Variants in C14orf39 observed in about 807,000 individuals in gnomAD.
C14orf39 encodes the protein protein SIX6OS1.
A neutral mutation model predicts 85.6 loss-of-function variants in C14orf39; 66 were observed. That is an observed-to-expected ratio of 0.77 (90% CI 0.63 to 0.95). The LOEUF (loss-of-function observed/expected upper bound fraction) is 0.95. Ranked by LOEUF, C14orf39 falls within the 40% of genes least tolerant of loss-of-function variation. The probability of loss-of-function intolerance (pLI) is 0.00; values close to 1 mark genes in which losing one functional copy is unlikely to be tolerated. For missense variants in C14orf39, 735 were observed against 663.9 expected, an observed-to-expected ratio of 1.11 and a Z score of -1.18; for synonymous variants, 242 against 214.0, an observed-to-expected ratio of 1.13 and a Z score of -1.14.
upstream of C14orf39, among the ~76,000 whole-genome samples, chr14:60,487,829 A>G (rs1038583246): frequency 4.6e-5 from 7 of 152,122 alleles, no homozygotes; most frequent in African/African-American, 1.4e-4. Context: ...GGTGTGACGT[A>G]TCCTATTGTG....
chr14:60,469,317 AAATT>A (rs1891953121), intron 8 of C14orf39, among the ~76,000 whole-genome samples: 1 of 147,886 alleles, frequency 6.8e-6, no homozygotes, highest in African/African-American at 2.4e-5. Context: ...AATTATATAC[AAATT>A]AATATAAAAT....
Position 60,455,126 on chromosome 14 carries a change from C to T in C14orf39, c.1378G>A (p.Val460Ile), listed in dbSNP as rs1371572540. ...TCCTTTTCTGTTTGAACTTCAGGTA[C>T]TGCATTTCTATTTCTGTTACTGAGA... ...PFEINRNRNA[V>I]PEVQTEKESP... Residue 460 changes from valine (V) to isoleucine (I), a missense_variant, in exon 16 of 18, where the codon GTA (valine) becomes ATA (isoleucine). Coordinates refer to ENST00000321731, the MANE Select transcript of C14orf39 (RefSeq NM_174978.3). The T allele has an allele frequency of 6.4e-7, 1 of 1,559,924 alleles. No homozygotes were observed.
At chr14:60,450,927 C>G (rs1325861195) in intron 16 of C14orf39, among the ~76,000 whole-genome samples, 1 of 152,190 alleles carries the variant, frequency 6.6e-6, no homozygotes, top group Non-Finnish European at 1.5e-5. Flanking sequence ...CTGCAAACAG[C>G]ACAGCGTTAT....
At chr14:60,494,320 C>G (rs948328490) in intron 2 of C14orf39, 1 of 163,598 alleles carries the variant, frequency 6.1e-6, no homozygotes, top group African/African-American at 2.4e-5. Flanking sequence ...GTGGCAAAAG[C>G]TTGCCCATAT....
intron 7 of C14orf39, among the ~76,000 whole-genome samples, chr14:60,470,881 T>C (rs1043267888): frequency 2.0e-5 from 3 of 151,936 alleles, no homozygotes; most frequent in East Asian, 1.9e-4. Context: ...GGAAGATCTC[T>C]CTGACAAACA....
At chr14:60,467,115 T>C in intron 9 of C14orf39, 71 bp from the exon 10 acceptor site, 1 of 731,174 alleles carries the variant, frequency 1.4e-6, no homozygotes, top group East Asian at 3.7e-5. Context: ...CTAGGAGGCA[T>C]ATTTAGATAC....
intron 1 of C14orf39, among the ~76,000 whole-genome samples, chr14:60,505,981 C>T (rs1367638684): frequency 6.6e-6 from 1 of 152,216 alleles, no homozygotes; most frequent in Non-Finnish European, 1.5e-5. Flanking sequence ...TCAGAATTCC[C>T]TGGGGGCACT....
intron 7 of C14orf39, among the ~76,000 whole-genome samples, chr14:60,470,048 A>G (rs1265975792): frequency 6.6e-6 from 1 of 151,380 alleles, no homozygotes; most frequent in Non-Finnish European, 1.5e-5. Flanking sequence ...TATTTGTTCA[A>G]AGACAATATT....
rs1485159638 is a variant in C14orf39, at chr14:60,483,697, C to T, written c.227G>A (p.Cys76Tyr). 1.3e-6 allele frequency: 2 copies of T among 1,584,262 alleles called. No homozygotes were observed. Among genetic ancestry groups the T allele is most frequent in the Non-Finnish European group, 1.7e-6 (2 of 1,167,682 alleles). ...GATTCTTTCAAATACTCACTTTCTA[C>T]AGTTGTCTTTAATCTCCTCACTATG... The part of the protein sequence containing the change: ...CKHSEEIKDN[C>Y]RNWKPTCDVF... Residue 76 changes from cysteine to tyrosine, a missense_variant, in exon 4 of 18, where the codon TGT becomes TAT. Physicochemically the swap from Cys to Tyr is radical, Grantham distance 194. Coordinates refer to ENST00000321731, the MANE Select transcript of C14orf39 (RefSeq NM_174978.3).
In C14orf39 at chr14:60,494,114, G is replaced by A. The variant is rs560864289; in HGVS notation, c.-9+5182C>T. 21 of 318,340 alleles carry A rather than the reference G, an allele frequency of 6.6e-5. 1 individual carries two copies. Among genetic ancestry groups the A allele is most frequent in the East Asian group, 2.7e-4 (3 of 11,234 alleles). 19.7% of individuals were successfully genotyped at this position (318,340 alleles called of 1,614,324 possible). The stretch of plus-strand genomic sequence containing the variant: ...GCATGCTGATGTACTGGTTCCACAC[G>A]ACAGGGTCCACATTCATCAAAGGGG... On this transcript the variant is annotated intron_variant, in intron 2 of 5. Transcript: ENST00000556799.
intron 11 of C14orf39, among the ~76,000 whole-genome samples, chr14:60,464,236 A>G (rs2140098731): frequency 6.6e-6 from 1 of 152,312 alleles, no homozygotes; most frequent in East Asian, 1.9e-4. Flanking sequence ...AATAGCAGGA[A>G]AAGAAAACAT....
intron 16 of C14orf39, among the ~76,000 whole-genome samples, chr14:60,454,479 C>G (rs1422027095): frequency 1.3e-5 from 2 of 151,938 alleles, no homozygotes; most frequent in Non-Finnish European, 2.9e-5. Context: ...TAGTTTTAAC[C>G]ACTACACTGT....
chr14:60,452,747 T>C (rs1891095175), intron 16 of C14orf39, among the ~76,000 whole-genome samples: 2 of 152,132 alleles, frequency 1.3e-5, no homozygotes, highest in Admixed American at 1.3e-4. Flanking sequence ...TGTATCAAAA[T>C]ATCTTAGGGA....
In C14orf39 at chr14:60,491,232, C is replaced by A. The variant is rs1035996453; in HGVS notation, c.-8-6146G>T. Among the ~76,000 whole-genome samples, 2 of 152,260 alleles carry A rather than the reference C, an allele frequency of 1.3e-5. No individual in the cohort carries two copies. The highest frequency in any genetic ancestry group is 1.5e-5 in the Non-Finnish European group (1 of 68,024). On this transcript the variant is annotated intron_variant, in intron 2 of 5. Coordinates refer to the C14orf39 transcript ENST00000556799. This position sits in a 1 kb window ranked among gnomAD's most constrained non-coding sequence, Gnocchi z 4.5. ...AGTAAGTCCAACACTGAGGCACTGG[C>A]AGATTCAGTGTCTGGTAAGGGCACA... is the stretch of plus-strand genomic sequence containing the variant.
rs984991963 is a variant in C14orf39 at position 60,491,923 on chromosome 14, A to T, written c.-8-6837T>A. Reference sequence around the variant, plus strand: ...GACAAAATACATTTTATTGGAAAAAATTCAAAATTTATTTTTCAACAGACA... The same window carrying T: ...GACAAAATACATTTTATTGGAAAAATTTCAAAATTTATTTTTCAACAGACA... On this transcript the variant is annotated intron_variant, in intron 2 of 5. Coordinates refer to the C14orf39 transcript ENST00000556799. The surrounding 1 kb of genome is among the most constrained non-coding windows in gnomAD (Gnocchi z 4.5). Among the ~76,000 whole-genome samples, 3 of 152,146 alleles carry T rather than the reference A, an allele frequency of 2.0e-5. No individual in the cohort carries two copies. The highest frequency in any genetic ancestry group is 6.5e-5 in the Admixed American group (1 of 15,268).
chr14:60,444,285 G>A (rs955439722), intron 16 of C14orf39, among the ~76,000 whole-genome samples: 1 of 152,128 alleles, frequency 6.6e-6, no homozygotes, highest in African/African-American at 2.4e-5. Flanking sequence ...CCATCACAAA[G>A]AAGCTAAAAA....
intron 17 of C14orf39, among the ~76,000 whole-genome samples, chr14:60,439,028 G>A (rs752113376): frequency 6.6e-6 from 1 of 152,162 alleles, no homozygotes; most frequent in Admixed American, 6.5e-5. Flanking sequence ...AATTTATAGT[G>A]TATTTTGACA....
intron 16 of C14orf39, among the ~76,000 whole-genome samples, chr14:60,447,569 C>T (rs960983760): frequency 2.6e-5 from 4 of 152,168 alleles, no homozygotes; most frequent in African/African-American, 9.7e-5. Context: ...GAAGAACATT[C>T]CATGCTCATG....
chr14:60,495,160 G>A, intron 2 of C14orf39: 1 of 197,924 alleles, frequency 5.1e-6, no homozygotes, highest in Non-Finnish European at 1.1e-5. Flanking sequence ...CCGAGTGTGG[G>A]CACGGTAATG....
Sources: gnomAD v4.1 joint callset for allele counts (sites outside exome capture counted in the v4.1 genomes callset) on GRCh38, gnomAD v4.1.1 for gene constraint, Gnocchi (gnomAD v3.1) non-coding constraint, MANE v1.5 for transcripts, NCBI Gene and HGNC (gene_info 2026-07-23, HGNC 2026-07-21) for gene names.